The following PSME3IP1 variants were observed in gnomAD, a reference collection of about 807,000 sequenced individuals.
PSME3IP1 encodes proteasome activator subunit 3 interacting protein 1, also known as PSME3-interacting protein.
A neutral mutation model predicts 34.1 loss-of-function variants in PSME3IP1; 13 were observed. That is an observed-to-expected ratio of 0.38 (90% CI 0.25 to 0.61). The LOEUF is 0.61. Among genes scored for constraint, PSME3IP1 ranks in the 20% least tolerant of loss-of-function variants. The probability of loss-of-function intolerance (pLI) is 0.60; values close to 1 mark genes in which losing one functional copy is unlikely to be tolerated. For missense variants in PSME3IP1, 237 were observed against 301.4 expected, an observed-to-expected ratio of 0.79 and a Z score of 1.58; for synonymous variants, 93 against 114.3, an observed-to-expected ratio of 0.81 and a Z score of 1.19.
chr16:57,177,420 C>A (rs1265237640), intron 1 of PSME3IP1, among the ~76,000 whole-genome samples: 5 of 150,244 alleles, frequency 3.3e-5, no homozygotes, highest in African/African-American at 1.2e-4. Flanking sequence ...CTCCTGGACT[C>A]AAGCAATACA....
chr16:57,165,035 AAAAG>A (rs1484836684), intron 5 of PSME3IP1, among the ~76,000 whole-genome samples: 2 of 151,354 alleles, frequency 1.3e-5, no homozygotes, highest in African/African-American at 4.8e-5. Flanking sequence ...CAAAAAAAAA[AAAAG>A]AAAAAGAAAA....
Position 57,173,314 on chromosome 16 carries a change from G to A in PSME3IP1, c.127+414C>T, listed in dbSNP as rs369258135. 4.6e-5 allele frequency among the ~76,000 whole-genome samples: 7 copies of A among 152,310 alleles called. No homozygotes were observed. In the East Asian group the frequency reaches 9.6e-4, roughly 21 times the overall value. The stretch of plus-strand genomic sequence containing the variant: ...CTTACATAGGTGACTTCGCCCCTGA[G>A]TCTCAGTTCCTCAACTCTAAAGTAT... On this transcript the variant is annotated intron_variant, in intron 2 of 6. Transcript: ENST00000309137.
intron 1 of PSME3IP1, among the ~76,000 whole-genome samples, chr16:57,176,829 T>C (rs544314842): frequency 6.6e-6 from 1 of 152,108 alleles, no homozygotes; most frequent in South Asian, 2.1e-4. Context: ...TCCCAGTAAA[T>C]GTCTCTCTTC....
intron 3 of PSME3IP1, among the ~76,000 whole-genome samples, 197 bp downstream of exon 3, chr16:57,172,579 G>A (rs574324632): frequency 6.6e-6 from 1 of 152,226 alleles, no homozygotes; most frequent in South Asian, 2.1e-4. Flanking sequence ...GAATTAAAAT[G>A]GGTGTTTTGA....
intron 1 of PSME3IP1, 21 bp from the exon 2 acceptor site, chr16:57,173,890 CAA>C: frequency 6.3e-7 from 1 of 1,588,090 alleles, no homozygotes; most frequent in Non-Finnish European, 8.6e-7. Flanking sequence ...AAAACAAAAA[CAA>C]AAAAAATCAT....
chr16:57,165,702 G>A (rs559360405), intron 5 of PSME3IP1, among the ~76,000 whole-genome samples: 5 of 152,178 alleles, frequency 3.3e-5, no homozygotes, highest in African/African-American at 1.2e-4. Flanking sequence ...AATAAACTCA[G>A]GGTCGGACAG....
intron 1 of PSME3IP1, among the ~76,000 whole-genome samples, chr16:57,182,905 C>T (rs1036421279): frequency 1.3e-5 from 2 of 152,062 alleles, no homozygotes; most frequent in African/African-American, 2.4e-5. Flanking sequence ...GGCGAGACTC[C>T]ATCTCAAAGA....
intron 6 of PSME3IP1, among the ~76,000 whole-genome samples, chr16:57,161,662 G>A (rs1597610559): frequency 6.6e-6 from 1 of 151,338 alleles, no homozygotes; most frequent in African/African-American, 2.4e-5. Flanking sequence ...ACAGGCATCC[G>A]CCAGCACACC....
intron 1 of PSME3IP1, among the ~76,000 whole-genome samples, chr16:57,175,074 G>C (rs1014575540): frequency 1.2e-4 from 18 of 151,160 alleles, no homozygotes; most frequent in Non-Finnish European, 2.1e-4. Context: ...GAGTCCAGTG[G>C]TGCAATCTCA....
At chr16:57,165,133 T>C (rs2071709662) in intron 5 of PSME3IP1, among the ~76,000 whole-genome samples, 1 of 151,608 alleles carries the variant, frequency 6.6e-6, no homozygotes, top group Non-Finnish European at 1.5e-5. Context: ...GAAACATATT[T>C]TGCAGCCTCT....
At chr16:57,159,651 C>T (rs998670532) in intron 6 of PSME3IP1, among the ~76,000 whole-genome samples, 2 of 152,164 alleles carry the variant, frequency 1.3e-5, no homozygotes, top group Non-Finnish European at 2.9e-5. Context: ...AAGGAGGACA[C>T]TTCCTGCCTG....
chr16:57,183,165 G>C (rs2073885732), intron 1 of PSME3IP1, among the ~76,000 whole-genome samples: 2 of 152,182 alleles, frequency 1.3e-5, no homozygotes, highest in Admixed American at 1.3e-4. Flanking sequence ...ACAGTGAAAA[G>C]TGGTGGAAAT....
Position 57,154,295 on chromosome 16 carries a change from G to A in PSME3IP1, c.760C>T (p.Pro254Ser). ...CCTGTGTAGGGACGGAGAAACTAGG[G>A]GGCCTCGAGGAAGGTGTTGGTTCGG... ...IFRTNTFLEAP is the reference protein window; with the variant it reads ...IFRTNTFLEAS Residue 254 changes from proline (P) to serine (S), a missense_variant, in exon 7 of 7, where the codon CCC becomes TCC. Physicochemically the swap from Pro to Ser is moderately conservative, Grantham distance 74. Coordinates refer to ENST00000309137, the MANE Select transcript of PSME3IP1 (RefSeq NM_024946.4). This position sits in a 1 kb window ranked among gnomAD's most constrained non-coding sequence, Gnocchi z 4.0. 2 of 1,613,868 alleles carry A rather than the reference G, an allele frequency of 1.2e-6. No individual in the cohort carries two copies. The highest frequency in any genetic ancestry group is 1.7e-6 in the Non-Finnish European group (2 of 1,179,972).
chr16:57,167,389 A>G, intron 4 of PSME3IP1, 163 bp from the exon 5 acceptor site: 1 of 821,776 alleles, frequency 1.2e-6, no homozygotes, highest in South Asian at 1.5e-5. Context: ...AGATAAATGA[A>G]AGAGACCATG....
intron 1 of PSME3IP1, among the ~76,000 whole-genome samples, chr16:57,175,362 C>A (rs2073084623): frequency 6.6e-6 from 1 of 152,086 alleles, no homozygotes; most frequent in African/African-American, 2.4e-5. Context: ...TGGTTTCTTT[C>A]CTTTTGAGTA....
chr16:57,155,766 A>G (rs1402179676), intron 6 of PSME3IP1, among the ~76,000 whole-genome samples: 1 of 152,102 alleles, frequency 6.6e-6, no homozygotes, highest in Non-Finnish European at 1.5e-5. Context: ...AGATCGCGCT[A>G]CTGCACTCCA....
intron 3 of PSME3IP1, 122 bp downstream of exon 3, chr16:57,172,654 G>A: frequency 1.2e-6 from 1 of 848,084 alleles, no homozygotes; most frequent in South Asian, 1.5e-5. Context: ...CACCAAATAA[G>A]CATCCGGAGA....
intron 1 of PSME3IP1, chr16:57,178,869 A>G (rs1431152312): frequency 2.2e-6 from 2 of 917,344 alleles, no homozygotes; most frequent in Admixed American, 6.2e-5. Context: ...GAAAGAGGTG[A>G]TAAGTACCTG....
At chr16:57,167,592 G>T (rs1172720349) in intron 4 of PSME3IP1, among the ~76,000 whole-genome samples, 1 of 152,170 alleles carries the variant, frequency 6.6e-6, no homozygotes, top group Admixed American at 6.5e-5. Flanking sequence ...CTGAAAACAT[G>T]CTTCCCCCTT....
Sources: gnomAD v4.1 joint callset for allele counts (sites outside exome capture counted in the v4.1 genomes callset) on GRCh38, gnomAD v4.1.1 for gene constraint, Gnocchi (gnomAD v3.1) non-coding constraint, MANE v1.5 for transcripts, NCBI Gene and HGNC (gene_info 2026-07-23, HGNC 2026-07-21) for gene names.